The following KCTD7 variants were observed in gnomAD, a reference collection of about 807,000 sequenced individuals.
KCTD7 encodes BTB/POZ domain-containing protein KCTD7.
Under a neutral mutation model 27.0 loss-of-function variants are expected in KCTD7, and 15 were observed. The observed-to-expected ratio is 0.56, with a 90% confidence interval of 0.37 to 0.86. The LOEUF (loss-of-function observed/expected upper bound fraction) is 0.86, where lower values mean the gene tolerates loss of function less well. Among genes scored for constraint, KCTD7 ranks in the 40% least tolerant of loss-of-function variants. KCTD7 has a pLI of 0.00. For synonymous variants in KCTD7, 159 were observed against 162.7 expected, an observed-to-expected ratio of 0.98 and a Z score of 0.17; for missense variants, 299 against 398.9, an observed-to-expected ratio of 0.75 and a Z score of 2.13.
intron 2 of KCTD7, among the ~76,000 whole-genome samples, chr7:66,634,354 G>A (rs918930720): frequency 6.7e-6 from 1 of 148,464 alleles, no homozygotes; most frequent in Non-Finnish European, 1.5e-5. Flanking sequence ...TTTAGGTGTT[G>A]TTTTTTTTTC....
At position 66,629,039 on chromosome 7, in the gene KCTD7, C is replaced by T; in HGVS notation, c.-26C>T. 6.7e-7 allele frequency: 1 copy of T among 1,490,992 alleles called. No individual in the cohort carries two copies. Among genetic ancestry groups the T allele is most frequent in the Non-Finnish European group, 8.9e-7 (1 of 1,118,126 alleles). The allele number at this position is 1,490,992 out of a possible 1,614,324, so 92.4% of individuals were successfully genotyped here. A position where few individuals can be genotyped will look rare whatever the true frequency, so the allele number is the denominator to read the frequency against. On this transcript the variant is annotated 5_prime_UTR_variant, in exon 1 of 4. Coordinates refer to ENST00000639828, the MANE Select transcript of KCTD7 (RefSeq NM_153033.5). ...GCCGCCGCCTCCGCCCGCCCGAAGC[C>T]GCGCCCACTGCCCAGAGCCAGAGGG...
At chr7:66,633,008 A>G (rs1786489212) in intron 1 of KCTD7, among the ~76,000 whole-genome samples, 2 of 151,992 alleles carry the variant, frequency 1.3e-5, no homozygotes, top group South Asian at 2.1e-4. Flanking sequence ...CAGTGAGCCA[A>G]CATCACGCCA....
chr7:66,629,205 G>C lies in KCTD7; in HGVS notation c.141G>C (p.Gln47His), dbSNP rs753563583. The C allele has an allele frequency of 2.8e-6, 4 of 1,409,962 alleles. No homozygotes were observed. The highest frequency in any genetic ancestry group is 3.7e-6 in the Non-Finnish European group (4 of 1,077,694). The allele number at this position is 1,409,962 out of a possible 1,614,324, so 87.3% of individuals were successfully genotyped here. The change falls in exon 1 of 4, where the codon CAG (glutamine) becomes CAC (histidine). Residue 47 changes from glutamine (Q) to histidine (H), a missense_variant. Gln to His is a conservative substitution (Grantham distance 24). Transcript: ENST00000639828. ...QAGHALPLLP[Q>H]EFPEVVPLNI... ...GGCACGCGCTGCCCCTGCTGCCACAGGAGGTACCCGGGCGGGCGGCGGGCC... is the reference window on the plus strand; with the variant it reads ...GGCACGCGCTGCCCCTGCTGCCACACGAGGTACCCGGGCGGGCGGCGGGCC...
At chr7:66,637,649 TTC>T (rs1218638263) in intron 2 of KCTD7, among the ~76,000 whole-genome samples, 1 of 152,150 alleles carries the variant, frequency 6.6e-6, no homozygotes, top group Non-Finnish European at 1.5e-5. Context: ...TACTATATAA[TTC>T]TGTTTATATA....
rs769596185 is a variant in KCTD7 at position 66,639,506 on chromosome 7, C to G, written c.*274C>G. On this transcript the variant is annotated 3_prime_UTR_variant, in exon 4 of 4. Transcript: ENST00000639828. Reference sequence around the variant, plus strand: ...GGTAGTCTTTCCTTGAGGCTGATAGCTAGGGCTTGACCAGGAAGTCCCGAG... The same window carrying G: ...GGTAGTCTTTCCTTGAGGCTGATAGGTAGGGCTTGACCAGGAAGTCCCGAG... 6.3e-5 allele frequency: 88 copies of G among 1,399,328 alleles called. No homozygotes were observed. Among genetic ancestry groups the G allele is most frequent in the Non-Finnish European group, 7.7e-5 (83 of 1,076,366 alleles). 86.7% of individuals were successfully genotyped at this position (1,399,328 alleles called of 1,614,324 possible).
rs1354497257 is a variant in KCTD7 at position 66,628,945 on chromosome 7, C to T, written c.-120C>T. 28 of 1,037,386 alleles carry T rather than the reference C, an allele frequency of 2.7e-5. No individual in the cohort carries two copies. The highest frequency in any genetic ancestry group is 6.9e-5 in the East Asian group (2 of 29,060). The allele number at this position is 1,037,386 out of a possible 1,614,324, so 64.3% of individuals were successfully genotyped here. A position where few individuals can be genotyped will look rare whatever the true frequency, so the allele number is the denominator to read the frequency against. On this transcript the variant is annotated 5_prime_UTR_variant, in exon 1 of 4. Transcript: ENST00000639828. ...CCTCCCGCCTGCGCACTGCCTCTCG[C>T]CCCCCTCCGGCCAGCCCGCAGCCGG...
At chr7:66,632,225 C>T (rs1214021386) in intron 1 of KCTD7, among the ~76,000 whole-genome samples, 1 of 152,046 alleles carries the variant, frequency 6.6e-6, no homozygotes, top group Non-Finnish European at 1.5e-5. Context: ...TGGTGGCTCA[C>T]GCCGGTAATC....
intron 1 of KCTD7, among the ~76,000 whole-genome samples, chr7:66,632,974 C>T (rs534184006): frequency 5.9e-5 from 9 of 151,310 alleles, no homozygotes; most frequent in African/African-American, 2.2e-4. Context: ...AGGAGAATGG[C>T]GTGAACCCGG....
chr7:66,631,494 G>A (rs995730465), intron 1 of KCTD7, among the ~76,000 whole-genome samples: 1 of 151,748 alleles, frequency 6.6e-6, no homozygotes, highest in East Asian at 1.9e-4. Flanking sequence ...TCTTGAACCC[G>A]GGAGGCAGAG....
chr7:66,638,224 G>A, intron 2 of KCTD7, 29 bp from the exon 3 acceptor site: 1 of 1,613,798 alleles, frequency 6.2e-7, no homozygotes, highest in Admixed American at 1.7e-5. Context: ...TAAGCTCCTT[G>A]TCACCGACCC....
intron 1 of KCTD7, among the ~76,000 whole-genome samples, chr7:66,630,891 C>T (rs544288917): frequency 1.3e-5 from 2 of 152,284 alleles, no homozygotes; most frequent in East Asian, 3.9e-4. Flanking sequence ...ATCCTCTCAT[C>T]TCTAATATGG....
intron 1 of KCTD7, among the ~76,000 whole-genome samples, chr7:66,630,337 T>A (rs1426110533): frequency 6.6e-6 from 1 of 152,142 alleles, no homozygotes; most frequent in Non-Finnish European, 1.5e-5. Flanking sequence ...ACACTTGTAA[T>A]CCCAGCACTT....
At position 66,638,435 on chromosome 7, in the gene KCTD7, A is replaced by AG; in HGVS notation, c.493+7dup. 1.2e-6 allele frequency: 2 copies of AG among 1,612,632 alleles called. No individual in the cohort carries two copies. The highest frequency in any genetic ancestry group is 1.7e-6 in the Non-Finnish European group (2 of 1,179,432). On this transcript the variant is annotated splice_donor_region_variant and intron_variant, in intron 3 of 3. Coordinates refer to ENST00000639828, the MANE Select transcript of KCTD7 (RefSeq NM_153033.5). Reference sequence around the variant, plus strand: ...GGACTCATGCCCTATTACAAAGGTGAGGGTCAGCTGCCCAGGATGGTGGGT... The same window carrying AG: ...GGACTCATGCCCTATTACAAAGGTGAGGGGTCAGCTGCCCAGGATGGTGGGT...
In KCTD7 at chr7:66,639,818, G is replaced by T. The variant is rs1034833089; in HGVS notation, c.*586G>T. The T allele has an allele frequency of 9.6e-6, 12 of 1,248,104 alleles. No homozygotes were observed. In the Admixed American group the frequency reaches 1.1e-4, roughly 12 times the overall value. 77.3% of individuals were successfully genotyped at this position (1,248,104 alleles called of 1,614,324 possible). A position where few individuals can be genotyped will look rare whatever the true frequency, so the allele number is the denominator to read the frequency against. On this transcript the variant is annotated 3_prime_UTR_variant, in exon 4 of 4. Transcript: ENST00000639828. ...TGGAAAGACTTTTCTTTTCCTTCCG[G>T]AACATGTTCTTCACCACCTTTTGGA...
At position 66,628,999 on chromosome 7, in the gene KCTD7, T is replaced by C. The variant is rs1786377385; in HGVS notation, c.-66T>C. 1 of 1,441,784 alleles carries C rather than the reference T, an allele frequency of 6.9e-7. No individual in the cohort carries two copies. The highest frequency in any genetic ancestry group is 2.4e-5 in the Admixed American group (1 of 41,910). 89.3% of individuals were successfully genotyped at this position (1,441,784 alleles called of 1,614,324 possible). A position where few individuals can be genotyped will look rare whatever the true frequency, so the allele number is the denominator to read the frequency against. On this transcript the variant is annotated 5_prime_UTR_variant, in exon 1 of 4. The change abolishes the stop of an existing upstream ORF in the 5' untranslated region. Coordinates refer to ENST00000639828, the MANE Select transcript of KCTD7 (RefSeq NM_153033.5). ...CGTCATGCCAGGCGCTGCTCGGCGGTAGGGAGTGCCCGGGGCCGCCGCCTC... is the reference window on the plus strand; with the variant it reads ...CGTCATGCCAGGCGCTGCTCGGCGGCAGGGAGTGCCCGGGGCCGCCGCCTC...
chr7:66,640,464 A>G lies in KCTD7; in HGVS notation c.*1232A>G. 6.5e-7 allele frequency: 1 copy of G among 1,536,766 alleles called. No homozygotes were observed. Among genetic ancestry groups the G allele is most frequent in the Non-Finnish European group, 8.7e-7 (1 of 1,146,722 alleles). On this transcript the variant is annotated 3_prime_UTR_variant, in exon 4 of 4. Coordinates refer to ENST00000639828, the MANE Select transcript of KCTD7 (RefSeq NM_153033.5). Reference sequence around the variant, plus strand: ...CTTGCTCTGTCTACAGCCTAGGCCAACTAGTCAGGGTCTGGACATGCATCT... The same window carrying G: ...CTTGCTCTGTCTACAGCCTAGGCCAGCTAGTCAGGGTCTGGACATGCATCT...
At chr7:66,637,516 C>T (rs1786614746) in intron 2 of KCTD7, among the ~76,000 whole-genome samples, 1 of 151,976 alleles carries the variant, frequency 6.6e-6, no homozygotes, top group Non-Finnish European at 1.5e-5. Context: ...GGTATACTTA[C>T]ATAATGAATA....
Position 66,639,935 on chromosome 7 carries a change from T to A in KCTD7, c.*703T>A, listed in dbSNP as rs758417748. 2.0e-5 allele frequency: 25 copies of A among 1,246,876 alleles called. No homozygotes were observed. Among genetic ancestry groups the A allele is most frequent in the Non-Finnish European group, 2.4e-5 (24 of 997,382 alleles). 77.2% of individuals were successfully genotyped at this position (1,246,876 alleles called of 1,614,324 possible). ...TGTCTTAGGGCCGCGGCTTCTCTTA[T>A]CTTCCACCACCTTCCTTGCTTGCAG... On this transcript the variant is annotated 3_prime_UTR_variant, in exon 4 of 4. Transcript: ENST00000639828.
intron 1 of KCTD7, among the ~76,000 whole-genome samples, chr7:66,629,792 C>T (rs915494908): frequency 2.6e-5 from 4 of 152,202 alleles, no homozygotes; most frequent in South Asian, 2.1e-4. Flanking sequence ...TCTCCAGCTA[C>T]CTAAGGAACA....
Sources: allele counts gnomAD v4.1 joint callset (sites outside exome capture counted in the v4.1 genomes callset), GRCh38; gene constraint gnomAD v4.1.1; transcripts MANE v1.5; gene names NCBI Gene and HGNC (gene_info 2026-07-23, HGNC 2026-07-21).